DOCK4: variants seen among roughly 807,000 people sequenced by gnomAD.
DOCK4 encodes the protein dedicator of cytokinesis 4, also known as dedicator of cytokinesis protein 4.
A neutral mutation model predicts 268.1 loss-of-function variants in DOCK4; 97 were observed. The observed-to-expected ratio is 0.36, with a 90% confidence interval of 0.31 to 0.43. DOCK4 has a LOEUF of 0.43. Ranked by LOEUF, DOCK4 falls within the 20% of genes least tolerant of loss-of-function variation. The pLI is 1.00. For missense variants in DOCK4, 2,145 were observed against 2,455.7 expected (o/e 0.87, Z 2.67); for synonymous variants, 954 against 887.2 (o/e 1.08, Z -1.34).
intron 17 of DOCK4, 93 bp from the exon 18 acceptor site, chr7:111,872,657 A>T (rs1333374907): frequency 8.7e-6 from 9 of 1,038,962 alleles, no homozygotes; most frequent in African/African-American, 8.1e-5. Flanking sequence ...TTCTTAACAC[A>T]TGTGGCTCCC....
At position 111,741,651 on chromosome 7, in the gene DOCK4, G is replaced by C. The variant is rs1161089108; in HGVS notation, c.4808C>G (p.Ala1603Gly). The change falls in exon 46 of 53, where the codon GCT becomes GGT. Residue 1603 changes from alanine to glycine, a missense_variant. Physicochemically the swap from Ala to Gly is moderately conservative, Grantham distance 60. Around this residue, in one of 2 missense-constraint regions of DOCK4, gnomAD observed 1,598 missense variants for 1,986.7 expected, o/e 0.80. Transcript: ENST00000428084. ...KSSLGIQEFS[A>G]CMQASPVHFP... ...ATGGACAGGACTGGCTTGCATACAA[G>C]CAGAGAACTCCTAAAGATGTAGTAA... The C allele has an allele frequency of 6.2e-7, 1 of 1,612,706 alleles. No individual in the cohort carries two copies. Among genetic ancestry groups the C allele is most frequent in the Non-Finnish European group, 8.5e-7 (1 of 1,179,506 alleles).
In DOCK4 at chr7:111,778,303, G is replaced by T. The variant is rs1416021289; in HGVS notation, c.3652C>A (p.Leu1218Met). ...YIRYIHKLYD[L>M]HLKAQNFTEA... ...GTAAAGTTCTGTGCTTTGAGATGCAGATCATAGAGTTTGTGAATGTAGCGT... is the reference window on the plus strand; with the variant it reads ...GTAAAGTTCTGTGCTTTGAGATGCATATCATAGAGTTTGTGAATGTAGCGT... The change falls in exon 36 of 53, where the codon CTG becomes ATG. Residue 1218 changes from leucine (L) to methionine (M), a missense_variant. Transcript: ENST00000428084. 2 of 1,612,798 alleles carry T rather than the reference G, an allele frequency of 1.2e-6. No homozygotes were observed. Among genetic ancestry groups the T allele is most frequent in the Admixed American group, 3.3e-5 (2 of 59,988 alleles).
At chr7:111,923,436 C>A (rs894025715) in intron 12 of DOCK4, among the ~76,000 whole-genome samples, 1 of 152,132 alleles carries the variant, frequency 6.6e-6, no homozygotes, top group Non-Finnish European at 1.5e-5. Flanking sequence ...ACTATTATTT[C>A]TTTTTAGGTA....
At chr7:111,746,814 C>A in intron 43 of DOCK4, among the ~76,000 whole-genome samples, 1 of 110,912 alleles carries the variant, frequency 9.0e-6, no homozygotes, top group Non-Finnish European at 1.8e-5. Flanking sequence ...TCGGTCTTAT[C>A]TTTTTTTTTT....
At chr7:111,905,992 A>T (rs1342949082) in intron 13 of DOCK4, among the ~76,000 whole-genome samples, 1 of 152,164 alleles carries the variant, frequency 6.6e-6, no homozygotes, top group Non-Finnish European at 1.5e-5. Context: ...TATCAACTTT[A>T]TAAAAAAGGC....
Position 111,901,950 on chromosome 7 carries a change from T to C in DOCK4, c.1193-149A>G, listed in dbSNP as rs1039356017. 3 of 601,282 alleles carry C rather than the reference T, an allele frequency of 5.0e-6. No homozygotes were observed. In the African/African-American group the frequency reaches 5.6e-5, roughly 11 times the overall value. The allele number at this position is 601,282 out of a possible 1,614,324, so 37.2% of individuals were successfully genotyped here. A position where few individuals can be genotyped will look rare whatever the true frequency, so the allele number is the denominator to read the frequency against. On this transcript the variant is annotated intron_variant, in intron 13 of 52. Coordinates refer to ENST00000428084, the MANE Select transcript of DOCK4 (RefSeq NM_001363540.2). Reference sequence around the variant, plus strand: ...TATTTGCATTTTTATAAAAGTGTCCTCACCCTTACTGCCAACATCTGAGAA... The same window carrying C: ...TATTTGCATTTTTATAAAAGTGTCCCCACCCTTACTGCCAACATCTGAGAA...
intron 51 of DOCK4, 74 bp from the exon 52 acceptor site, chr7:111,732,361 G>T: frequency 6.7e-7 from 1 of 1,492,544 alleles, no homozygotes. Flanking sequence ...TGCCCTCTGT[G>T]TTACAAACCC....
chr7:111,994,482 G>A (rs1799772260), intron 4 of DOCK4, among the ~76,000 whole-genome samples: 1 of 152,112 alleles, frequency 6.6e-6, no homozygotes, highest in Non-Finnish European at 1.5e-5. Flanking sequence ...GCATCAGAAG[G>A]GTTGCACTCC....
chr7:111,741,911 TAGAAAAACCACAAGA>T, intron 45 of DOCK4, 87 bp downstream of exon 45: 1 of 1,440,056 alleles, frequency 6.9e-7, no homozygotes, highest in Non-Finnish European at 9.2e-7. Context: ...TGCAGTTTGG[TAGAAAAACCACAAGA>T]TGTCACTATT....
At position 111,979,771 on chromosome 7, in the gene DOCK4, C is replaced by T. The variant is rs555142942; in HGVS notation, c.550-2488G>A. The stretch of plus-strand genomic sequence containing the variant: ...CTTAACCTCAAATAGTGCAAAGTTC[C>T]CTGCACCAATCATGACATTCACAAG... On this transcript the variant is annotated intron_variant, in intron 7 of 52. Transcript: ENST00000428084. Among the ~76,000 whole-genome samples the T allele has an allele frequency of 1.2e-4, 18 of 152,244 alleles. No homozygotes were observed. In the South Asian group the frequency reaches 3.5e-3, roughly 30 times the overall value.
intron 31 of DOCK4, 186 bp from the exon 32 acceptor site, chr7:111,788,933 A>G (rs1799351678): frequency 3.2e-5 from 20 of 620,254 alleles, no homozygotes; most frequent in Non-Finnish European, 5.5e-5. Flanking sequence ...ATAGAGTTAC[A>G]TGACTTCACA....
chr7:111,958,165 A>G (rs572425386), intron 8 of DOCK4, among the ~76,000 whole-genome samples: 2 of 152,322 alleles, frequency 1.3e-5, no homozygotes, highest in East Asian at 1.9e-4. Context: ...ACAACAATCT[A>G]AGACTTGTAA....
chr7:111,934,686 T>C (rs920101167), intron 12 of DOCK4, among the ~76,000 whole-genome samples: 25 of 150,518 alleles, frequency 1.7e-4, no homozygotes, highest in East Asian at 7.9e-4. Flanking sequence ...CCTGCCACCA[T>C]GCCCGGCTAA....
At chr7:112,049,393 C>T (rs978150428) in intron 1 of DOCK4, among the ~76,000 whole-genome samples, 2 of 151,822 alleles carry the variant, frequency 1.3e-5, no homozygotes, top group African/African-American at 4.8e-5. Context: ...AAGAGACTTA[C>T]AGTTGATAAG....
intron 5 of DOCK4, among the ~76,000 whole-genome samples, chr7:111,989,573 A>G (rs2135217868): frequency 6.6e-6 from 1 of 152,294 alleles, no homozygotes; most frequent in East Asian, 1.9e-4. Context: ...AGCTGATGAA[A>G]TGGAAGACAT....
chr7:111,808,047 A>G (rs1456275209), intron 30 of DOCK4: 1 of 152,212 alleles, frequency 6.6e-6, no homozygotes, highest in East Asian at 1.9e-4. Context: ...AAGAGAAAAG[A>G]TATTTTCAGG....
At chr7:111,741,844 A>G (rs996324795) in intron 45 of DOCK4, among the ~76,000 whole-genome samples, 169 bp downstream of exon 45, 3 of 152,254 alleles carry the variant, frequency 2.0e-5, no homozygotes, top group Non-Finnish European at 4.4e-5. Context: ...TCCCAAAAGG[A>G]AAGCCTCGCA....
intron 1 of DOCK4, among the ~76,000 whole-genome samples, chr7:112,101,828 C>T (rs565584473): frequency 5.8e-5 from 8 of 137,368 alleles, no homozygotes; most frequent in African/African-American, 2.1e-4. Flanking sequence ...GTTCTGAGAC[C>T]TTTTCTTTTT....
chr7:111,981,604 C>G (rs757938455), intron 7 of DOCK4, among the ~76,000 whole-genome samples: 26 of 152,192 alleles, frequency 1.7e-4, no homozygotes, highest in Non-Finnish European at 2.4e-4. Context: ...AAGCTTATAA[C>G]TATTTGAGTT....
Sources: allele counts gnomAD v4.1 joint callset (sites outside exome capture counted in the v4.1 genomes callset), GRCh38; gene constraint gnomAD v4.1.1; regional missense constraint gnomAD v4.1.1; transcripts MANE v1.5; gene names NCBI Gene and HGNC (gene_info 2026-07-23, HGNC 2026-07-21).